Variants in TMIGD3 observed in about 807,000 individuals in gnomAD.
TMIGD3 encodes the protein AD026 protein (AD026).
Under a neutral mutation model 28.1 loss-of-function variants are expected in TMIGD3, and 21 were observed. That is an observed-to-expected ratio of 0.75 (90% CI 0.53 to 1.08). TMIGD3 has a LOEUF of 1.08. TMIGD3 is among the 50% of genes least tolerant of loss of function. TMIGD3 has a pLI of 0.00. For missense variants in TMIGD3, 416 were observed against 435.6 expected (o/e 0.96, Z 0.40); for synonymous variants, 151 against 162.1 (o/e 0.93, Z 0.52).
intron 1 of TMIGD3, among the ~76,000 whole-genome samples, chr1:111,492,042 C>T (rs1218686150): frequency 6.6e-6 from 1 of 152,156 alleles, no homozygotes; most frequent in African/African-American, 2.4e-5. Flanking sequence ...GTGCAACTTC[C>T]ACCCTAGTCT....
intron 3 of TMIGD3, 29 bp from the exon 4 acceptor site, chr1:111,486,681 G>A (rs777819816): frequency 1.2e-6 from 2 of 1,601,256 alleles, no homozygotes; most frequent in Non-Finnish European, 8.6e-7. Context: ...GTTAAGTCAG[G>A]TGAGGCCCAT....
intron 1 of TMIGD3, among the ~76,000 whole-genome samples, chr1:111,514,433 T>C (rs1655791606): frequency 6.6e-6 from 1 of 151,982 alleles, no homozygotes; most frequent in African/African-American, 2.4e-5. Flanking sequence ...ATTATAGACC[T>C]GCACCTGCAG....
intron 1 of TMIGD3, among the ~76,000 whole-genome samples, chr1:111,528,614 T>G (rs2101011271): frequency 6.6e-6 from 1 of 152,316 alleles, no homozygotes; most frequent in South Asian, 2.1e-4. Flanking sequence ...TGGGAAGAAC[T>G]GACATCTTGA....
intron 1 of TMIGD3, chr1:111,500,263 G>A: frequency 5.0e-6 from 8 of 1,614,210 alleles, no homozygotes; most frequent in Non-Finnish European, 6.8e-6. Flanking sequence ...TGTCTCTTTG[G>A]AGTTAGATAA....
chr1:111,500,722 G>C, intron 1 of TMIGD3: 1 of 670,416 alleles, frequency 1.5e-6, no homozygotes, highest in Non-Finnish European at 2.5e-6. Context: ...GGTGATTCCA[G>C]CTAAACTCCA....
At chr1:111,493,774 T>C (rs1235002695) in intron 1 of TMIGD3, among the ~76,000 whole-genome samples, 8 of 152,256 alleles carry the variant, frequency 5.3e-5, no homozygotes, top group African/African-American at 1.9e-4. Flanking sequence ...AGAGCCACTA[T>C]GATTTGATGG....
intron 1 of TMIGD3, chr1:111,563,840 A>T: frequency 6.2e-7 from 1 of 1,610,266 alleles, no homozygotes; most frequent in Non-Finnish European, 8.5e-7. Flanking sequence ...TTCTGCTATG[A>T]CTCACTGTGA....
At chr1:111,510,274 T>G (rs2100993500) in intron 1 of TMIGD3, among the ~76,000 whole-genome samples, 1 of 152,326 alleles carries the variant, frequency 6.6e-6, no homozygotes, top group East Asian at 1.9e-4. Context: ...CGTTTTACTT[T>G]AGTTCCCTGC....
Position 111,521,566 on chromosome 1 carries a change from A to G in TMIGD3, c.108-30804T>C, listed in dbSNP as rs560905941. Among the ~76,000 whole-genome samples the G allele has an allele frequency of 3.9e-5, 6 of 152,286 alleles. No individual in the cohort carries two copies. In the South Asian group the frequency reaches 1.2e-3, roughly 32 times the overall value. On this transcript the variant is annotated intron_variant, in intron 1 of 5. Transcript: ENST00000369717. The stretch of plus-strand genomic sequence containing the variant: ...TTATGTGCTTTTTTGACATTTGTAT[A>G]TCATCCTTGGTGAAGTAACTATTAA...
At chr1:111,487,964 C>T (rs1272301917) in intron 3 of TMIGD3, among the ~76,000 whole-genome samples, 1 of 151,984 alleles carries the variant, frequency 6.6e-6, no homozygotes, top group Admixed American at 6.5e-5. Context: ...ACCACCACAT[C>T]CAGCTAATTT....
intron 1 of TMIGD3, among the ~76,000 whole-genome samples, chr1:111,541,861 G>A (rs1474965632): frequency 6.6e-6 from 1 of 152,160 alleles, no homozygotes; most frequent in East Asian, 1.9e-4. Context: ...TCAAGAAACT[G>A]CGAGTGAATG....
chr1:111,517,712 T>TGA (rs1025783452), intron 1 of TMIGD3, among the ~76,000 whole-genome samples: 6 of 152,180 alleles, frequency 3.9e-5, no homozygotes, highest in Non-Finnish European at 7.4e-5. Context: ...GTGGATTCAA[T>TGA]GAGATGTTAG....
intron 1 of TMIGD3, among the ~76,000 whole-genome samples, chr1:111,516,412 T>A (rs1655869861): frequency 6.6e-6 from 1 of 152,322 alleles, no homozygotes; most frequent in Admixed American, 6.5e-5. Context: ...TCTCATGCTC[T>A]TATCAGCCTC....
At chr1:111,542,278 A>T in intron 1 of TMIGD3, 1 of 590,898 alleles carries the variant, frequency 1.7e-6, no homozygotes, top group South Asian at 1.4e-5. Context: ...TCAGGATCAG[A>T]CCTGCCGGTT....
intron 1 of TMIGD3, among the ~76,000 whole-genome samples, chr1:111,547,858 A>AACTCTCTTAAAAC (rs1553206548): frequency 6.6e-6 from 1 of 152,212 alleles, no homozygotes; most frequent in Non-Finnish European, 1.5e-5. Flanking sequence ...AGCTTTGTCT[A>AACTCTCTTAAAAC]ACTCTCTTAA....
chr1:111,546,340 C>T (rs994066971), intron 1 of TMIGD3, among the ~76,000 whole-genome samples: 1 of 152,074 alleles, frequency 6.6e-6, no homozygotes, highest in African/African-American at 2.4e-5. Context: ...CATTGTTGTG[C>T]AACCATTACC....
At chr1:111,527,522 C>A (rs1231544860) in intron 1 of TMIGD3, among the ~76,000 whole-genome samples, 1 of 152,142 alleles carries the variant, frequency 6.6e-6, no homozygotes, top group Non-Finnish European at 1.5e-5. Context: ...TGGATAAATA[C>A]CCCTAGGAAC....
intron 1 of TMIGD3, chr1:111,501,498 T>C (rs1401510784): frequency 6.6e-6 from 1 of 152,266 alleles, no homozygotes; most frequent in African/African-American, 2.4e-5. Flanking sequence ...ATAGTAATGA[T>C]AGCCACCATT....
At chr1:111,491,680 A>G (rs989357092) in intron 1 of TMIGD3, among the ~76,000 whole-genome samples, 5 of 152,232 alleles carry the variant, frequency 3.3e-5, no homozygotes, top group Non-Finnish European at 7.3e-5. Context: ...AAAAACCTCT[A>G]TGAGTTTCAC....
Sources: allele counts gnomAD v4.1 joint callset (sites outside exome capture counted in the v4.1 genomes callset), GRCh38; gene constraint gnomAD v4.1.1; transcripts MANE v1.5; gene names NCBI Gene and HGNC (gene_info 2026-07-23, HGNC 2026-07-21).